The following DDHD1 variants were observed in gnomAD, a reference collection of about 807,000 sequenced individuals.
DDHD1 encodes DDHD domain containing 1.
In DDHD1, 49 loss-of-function variants were observed where a neutral mutation model predicts 96.4. The observed-to-expected ratio is 0.51, with a 90% CI of 0.40 to 0.64. The LOEUF is 0.64. DDHD1 is among the 30% of genes least tolerant of loss of function. DDHD1 has a pLI of 0.00. For synonymous variants in DDHD1, 442 were observed against 446.5 expected (o/e 0.99, Z 0.13); for missense variants, 1,106 against 1,161.2 (o/e 0.95, Z 0.69).
chr14:53,063,383 A>G (rs2139872248), intron 6 of DDHD1, among the ~76,000 whole-genome samples, 178 bp from the exon 7 acceptor site: 1 of 152,198 alleles, frequency 6.6e-6, no homozygotes, highest in Middle Eastern at 3.4e-3. Context: ...TATACATACT[A>G]TTATAATCCA....
chr14:53,102,212 C>A (rs1259201333), intron 2 of DDHD1, among the ~76,000 whole-genome samples: 1 of 151,998 alleles, frequency 6.6e-6, no homozygotes. Flanking sequence ...TGAAATTATT[C>A]TGACCAATAG....
chr14:53,090,207 T>TA (rs1028337888), intron 4 of DDHD1, among the ~76,000 whole-genome samples: 63 of 152,182 alleles, frequency 4.1e-4, no homozygotes, highest in African/African-American at 1.5e-3. Flanking sequence ...TGGCAATCAT[T>TA]AAAAAATCAG....
chr14:53,108,183 A>G (rs948873428), intron 1 of DDHD1, among the ~76,000 whole-genome samples: 3 of 152,062 alleles, frequency 2.0e-5, no homozygotes, highest in Non-Finnish European at 4.4e-5. Context: ...ATCCCTCCGG[A>G]TCCGGCAGGG....
At chr14:53,106,742 A>AATCTAAT (rs1456605489) in intron 1 of DDHD1, among the ~76,000 whole-genome samples, 32 of 152,304 alleles carry the variant, frequency 2.1e-4, no homozygotes, top group Admixed American at 1.8e-3. Context: ...CCCAGGAAAA[A>AATCTAAT]AGTCTTTAAA....
intron 2 of DDHD1, among the ~76,000 whole-genome samples, chr14:53,094,843 CAAAA>C (rs35080055): frequency 7.1e-6 from 1 of 141,286 alleles, no homozygotes; most frequent in Non-Finnish European, 1.5e-5. Context: ...GATCCTGTCT[CAAAA>C]AAAAAAAAAA....
At position 53,095,898 on chromosome 14, in the gene DDHD1, C is replaced by T. The variant is rs79631660; in HGVS notation, c.1013-2454G>A. On this transcript the variant is annotated intron_variant, in intron 2 of 12. Transcript: ENST00000673822. Reference sequence around the variant, plus strand: ...TTTCCTCTTTAAATCATCCATATATCATCTTAAACCATTTTAATGTTGGGG... The same window carrying T: ...TTTCCTCTTTAAATCATCCATATATTATCTTAAACCATTTTAATGTTGGGG... Among the ~76,000 whole-genome samples the T allele has an allele frequency of 2.3e-3, 355 of 152,180 alleles. 9 individuals carry two copies. In the East Asian group the frequency reaches 0.061, roughly 26 times the overall value.
At chr14:53,072,548 TA>T in intron 6 of DDHD1, 48 bp downstream of exon 6, 1 of 1,077,144 alleles carries the variant, frequency 9.3e-7, no homozygotes. Context: ...AGGACATTTA[TA>T]AGCTATCACT....
chr14:53,143,333 G>A (rs1323954286), intron 1 of DDHD1, among the ~76,000 whole-genome samples: 5 of 152,214 alleles, frequency 3.3e-5, no homozygotes, highest in Non-Finnish European at 7.3e-5. Flanking sequence ...AACAAATGCT[G>A]TAAACCATGT....
chr14:53,050,297 T>C (rs1952958), intron 12 of DDHD1, among the ~76,000 whole-genome samples: 131,592 of 152,152 alleles, frequency 0.86, 56,992 homozygotes, highest in East Asian at 0.98. Context: ...TTGAGAAAAA[T>C]CAGGAACGAT....
intron 9 of DDHD1, among the ~76,000 whole-genome samples, chr14:53,056,624 T>G (rs1883080056): frequency 6.6e-6 from 1 of 152,064 alleles, no homozygotes; most frequent in Admixed American, 6.5e-5. Flanking sequence ...TGATGCTTGT[T>G]AAGTCACTAG....
At chr14:53,075,150 T>C (rs1884850986) in intron 4 of DDHD1, among the ~76,000 whole-genome samples, 1 of 151,900 alleles carries the variant, frequency 6.6e-6, no homozygotes. Flanking sequence ...CGCTTATCTC[T>C]CACTTCAAAT....
intron 1 of DDHD1, among the ~76,000 whole-genome samples, chr14:53,118,373 G>A (rs182854397): frequency 2.6e-5 from 4 of 152,252 alleles, no homozygotes; most frequent in Admixed American, 2.6e-4. Context: ...TGAGCTAAAG[G>A]AGCATGTTCT....
At position 53,093,416 on chromosome 14, in the gene DDHD1, G is replaced by A; in HGVS notation, c.1041C>T (p.Asn347=). Residue 347 remains asparagine, a synonymous_variant, in exon 3 of 13, where the codon AAC becomes AAT. Coordinates refer to ENST00000673822, the MANE Select transcript of DDHD1 (RefSeq NM_001160148.2). ...CATCCACACTGTGCCAGTCCACATG[G>A]TTTCGACTCAACTTGAAACTATGAA... ...DAVHSFKLSR[N]HVDWHSVDEV... is the part of the protein sequence containing the mutation. The A allele has an allele frequency of 5.6e-6, 9 of 1,611,826 alleles. No individual in the cohort carries two copies. The highest frequency in any genetic ancestry group is 7.6e-6 in the Non-Finnish European group (9 of 1,179,314).
At chr14:53,099,935 TG>T (rs1367946593) in intron 2 of DDHD1, among the ~76,000 whole-genome samples, 4 of 152,152 alleles carry the variant, frequency 2.6e-5, no homozygotes, top group Admixed American at 1.3e-4. Context: ...CAAATTTTCA[TG>T]TTTTTTTTAA....
chr14:53,126,955 G>T (rs1889488112), intron 1 of DDHD1, among the ~76,000 whole-genome samples: 2 of 152,126 alleles, frequency 1.3e-5, no homozygotes, highest in South Asian at 2.1e-4. Flanking sequence ...GAGAATTTAA[G>T]CTCTAACGGG....
chr14:53,102,996 T>C (rs1887420227), intron 2 of DDHD1: 1 of 1,546,408 alleles, frequency 6.5e-7, no homozygotes, highest in Non-Finnish European at 8.7e-7. Context: ...CAGACAAATC[T>C]ACAAATTCTA....
rs774608600 is a variant in DDHD1 at position 53,054,510 on chromosome 14, C to T, written c.2365G>A (p.Ala789Thr). ...DSMEDEKKPV[A>T]SPSATTVGTQ... ...CCTACGGTGGTAGCAGAAGGTGAGG[C>T]AACTGGCTTCTTCTCATCTTCCATT... The change falls in exon 11 of 13, where the codon GCC becomes ACC. Residue 789 changes from alanine to threonine, a missense_variant. Ala to Thr is a moderately conservative substitution (Grantham distance 58). Transcript: ENST00000673822. The T allele has an allele frequency of 6.2e-7, 1 of 1,614,074 alleles. No homozygotes were observed. The highest frequency in any genetic ancestry group is 1.1e-5 in the South Asian group (1 of 91,070).
chr14:53,153,063 G>C lies in DDHD1; in HGVS notation c.36C>G (p.Pro12=), dbSNP rs1210171644. The C allele has an allele frequency of 6.8e-7, 1 of 1,467,612 alleles. No homozygotes were observed. The highest frequency in any genetic ancestry group is 1.5e-5 in the African/African-American group (1 of 67,120). The allele number at this position is 1,467,612 out of a possible 1,614,324, so 90.9% of individuals were successfully genotyped here. ...CGCCGCCGCCTCGGCCGTTATGCTC[G>C]GGGCTCCGTGGGGACCCGCGGCCCG... ...NYPGRGSPRS[P]EHNGRGGGGG... The change falls in exon 1 of 13, where the codon CCC becomes CCG. Residue 12 remains proline (P), a synonymous_variant. Transcript: ENST00000673822.
chr14:53,130,031 C>G (rs142206727), intron 1 of DDHD1, among the ~76,000 whole-genome samples: 1 of 152,298 alleles, frequency 6.6e-6, no homozygotes, highest in African/African-American at 2.4e-5. Flanking sequence ...TCAGTTTCCA[C>G]CCCAAGCTCT....
Sources: allele counts gnomAD v4.1 joint callset (sites outside exome capture counted in the v4.1 genomes callset), GRCh38; gene constraint gnomAD v4.1.1; transcripts MANE v1.5; gene names NCBI Gene and HGNC (gene_info 2026-07-23, HGNC 2026-07-21).